Variants in PRPF6 observed in about 807,000 individuals in gnomAD.
The protein encoded by PRPF6 is pre-mRNA-processing factor 6.
PRPF6 carries 42 observed loss-of-function variants against 118.3 expected under a neutral mutation model. The observed-to-expected ratio is 0.35, with a 90% CI of 0.28 to 0.46. PRPF6 has a LOEUF of 0.46. Ranked by LOEUF, PRPF6 falls within the 20% of genes least tolerant of loss-of-function variation. The probability of loss-of-function intolerance (pLI) is 1.00; values close to 1 mark genes in which losing one functional copy is unlikely to be tolerated. For missense variants in PRPF6, 662 were observed against 1,255.7 expected, an observed-to-expected ratio of 0.53 and a Z score of 7.15; for synonymous variants, 481 against 485.1, an observed-to-expected ratio of 0.99 and a Z score of 0.11.
rs770778872 is a variant in PRPF6, at chr20:64,001,066, T to G, written c.1024-11T>G. ...CACTGAGCCTTATTGGTCTTATCTCTTGCCTCACAGAGTGAAGATGTCTGG... is the reference window on the plus strand; with the variant it reads ...CACTGAGCCTTATTGGTCTTATCTCGTGCCTCACAGAGTGAAGATGTCTGG... On this transcript the variant is annotated splice_polypyrimidine_tract_variant and intron_variant, in intron 8 of 20. Transcript: ENST00000266079. 2.5e-6 allele frequency: 4 copies of G among 1,613,824 alleles called. No homozygotes were observed. The South Asian group carries it at 3.3e-5, about 13-fold the overall frequency.
At chr20:64,013,427 C>T (rs1367660104) in intron 11 of PRPF6, among the ~76,000 whole-genome samples, 1 of 151,696 alleles carries the variant, frequency 6.6e-6, no homozygotes, top group African/African-American at 2.4e-5. Flanking sequence ...TTCCTTCCTT[C>T]CTTTCTTCTT....
chr20:64,004,805 A>C (rs2059182485), intron 9 of PRPF6, among the ~76,000 whole-genome samples: 1 of 152,184 alleles, frequency 6.6e-6, no homozygotes, highest in Non-Finnish European at 1.5e-5. Context: ...GCTCCCCTAC[A>C]ATAATGCACT....
At position 64,029,617 on chromosome 20, in the gene PRPF6, G is replaced by T; in HGVS notation, c.2546+126G>T. 1 of 826,612 alleles carries T rather than the reference G, an allele frequency of 1.2e-6. No homozygotes were observed. The highest frequency in any genetic ancestry group is 2.0e-6 in the Non-Finnish European group (1 of 505,716). The allele number at this position is 826,612 out of a possible 1,614,324, so 51.2% of individuals were successfully genotyped here. ...AGCAGGGTGGGCTTCCCCGATCCTC[G>T]GCTGCCGTCGCTCCTGCTGTGGTCT... On this transcript the variant is annotated intron_variant, in intron 19 of 20. Transcript: ENST00000266079. The surrounding 1 kb of genome is among the most constrained non-coding windows in gnomAD (Gnocchi z 4.8).
intron 12 of PRPF6, among the ~76,000 whole-genome samples, chr20:64,018,845 C>T (rs1259017488): frequency 6.6e-6 from 1 of 152,144 alleles, no homozygotes; most frequent in Non-Finnish European, 1.5e-5. Context: ...TCACTTTCTC[C>T]TTCATCCGTG....
Position 64,026,130 on chromosome 20 carries a change from G to A in PRPF6, c.2028+72G>A, listed in dbSNP as rs553286264. The A allele has an allele frequency of 1.8e-5, 28 of 1,588,992 alleles. No homozygotes were observed. The African/African-American group carries it at 3.6e-4, about 20-fold the overall frequency. The stretch of plus-strand genomic sequence containing the variant: ...CACATGCGGGCCCCACGCCTGGCTT[G>A]GGTGGTGATGGGAGTGAGATGACGG... On this transcript the variant is annotated intron_variant, in intron 15 of 20. Transcript: ENST00000266079. The surrounding 1 kb of genome is among the most constrained non-coding windows in gnomAD (Gnocchi z 4.4).
chr20:63,981,178 G>A lies in PRPF6; in HGVS notation c.-68G>A. On this transcript the variant is annotated 5_prime_UTR_variant, in exon 1 of 21. Transcript: ENST00000266079. Reference sequence around the variant, plus strand: ...AGTGCATCGGACGTCGAAGCCTAGAGTCTCTGCGTCTTTCCCTCTTCCGCT... The same window carrying A: ...AGTGCATCGGACGTCGAAGCCTAGAATCTCTGCGTCTTTCCCTCTTCCGCT... The A allele has an allele frequency of 3.3e-6, 5 of 1,502,120 alleles. No homozygotes were observed. The highest frequency in any genetic ancestry group is 4.5e-6 in the Non-Finnish European group (5 of 1,100,118). The allele number at this position is 1,502,120 out of a possible 1,614,324, so 93.0% of individuals were successfully genotyped here. A position where few individuals can be genotyped will look rare whatever the true frequency, so the allele number is the denominator to read the frequency against.
intron 11 of PRPF6, among the ~76,000 whole-genome samples, chr20:64,015,906 T>C (rs8121622): frequency 0.02 from 3,063 of 152,226 alleles, 111 homozygotes; most frequent in African/African-American, 0.067. Flanking sequence ...GCAGGAGGGT[T>C]ACTTGAGACC....
At chr20:64,015,318 T>C (rs1239027386) in intron 11 of PRPF6, among the ~76,000 whole-genome samples, 1 of 152,158 alleles carries the variant, frequency 6.6e-6, no homozygotes, top group East Asian at 1.9e-4. Flanking sequence ...CCCCTGAGGG[T>C]CTGGGTGCTG....
At position 64,026,168 on chromosome 20, in the gene PRPF6, A is replaced by G; in HGVS notation, c.2028+110A>G. On this transcript the variant is annotated intron_variant, in intron 15 of 20. Transcript: ENST00000266079. The surrounding 1 kb of genome is among the most constrained non-coding windows in gnomAD (Gnocchi z 4.4). ...AGTGAGATGACGGCAGGCAAACGAG[A>G]CCACAGCACACTCATCTTTGTGATG... 1 of 1,528,426 alleles carries G rather than the reference A, an allele frequency of 6.5e-7. No individual in the cohort carries two copies. Among genetic ancestry groups the G allele is most frequent in the African/African-American group, 1.4e-5 (1 of 73,182 alleles). The allele number at this position is 1,528,426 out of a possible 1,614,324, so 94.7% of individuals were successfully genotyped here.
chr20:64,028,727 T>C lies in PRPF6; in HGVS notation c.2431+158T>C, dbSNP rs1164271422. Among the ~76,000 whole-genome samples the C allele has an allele frequency of 1.3e-5, 2 of 152,168 alleles. No individual in the cohort carries two copies. The highest frequency in any genetic ancestry group is 2.9e-5 in the Non-Finnish European group (2 of 68,034). On this transcript the variant is annotated intron_variant, in intron 18 of 20. Coordinates refer to ENST00000266079, the MANE Select transcript of PRPF6 (RefSeq NM_012469.4). This position sits in a 1 kb window ranked among gnomAD's most constrained non-coding sequence, Gnocchi z 6.5. The stretch of plus-strand genomic sequence containing the variant: ...AGGCTTCAGACGGACTTTATTAAAA[T>C]GTGTAGTTTGTGTGAATCATTTCAG...
In PRPF6 at chr20:64,024,781, C is replaced by G. The variant is rs2059280811; in HGVS notation, c.1908+88C>G. ...CTGGGGCCTGAAAATCTCCCACATA[C>G]AATGTGGCACGTGCTGTTGTTGGGG... On this transcript the variant is annotated intron_variant, in intron 14 of 20. Transcript: ENST00000266079. The G allele has an allele frequency of 7.3e-6, 11 of 1,514,054 alleles. No individual in the cohort carries two copies. The East Asian group carries it at 2.2e-4, about 30-fold the overall frequency. 93.8% of individuals were successfully genotyped at this position (1,514,054 alleles called of 1,614,324 possible). A position where few individuals can be genotyped will look rare whatever the true frequency, so the allele number is the denominator to read the frequency against.
intron 9 of PRPF6, among the ~76,000 whole-genome samples, chr20:64,006,672 T>A (rs1377728342): frequency 6.6e-6 from 1 of 152,160 alleles, no homozygotes; most frequent in African/African-American, 2.4e-5. Flanking sequence ...ACGGGACTCT[T>A]GGCAGTGGAG....
chr20:64,019,520 C>G lies in PRPF6; in HGVS notation c.1647+2675C>G, dbSNP rs533633784. On this transcript the variant is annotated intron_variant, in intron 12 of 20. Transcript: ENST00000266079. ...CAGAAGTGTGCTGTGGTGCTGCTTCCCTCCCGGACACCAGGGCCCTGGGCA... is the reference window on the plus strand; with the variant it reads ...CAGAAGTGTGCTGTGGTGCTGCTTCGCTCCCGGACACCAGGGCCCTGGGCA... Among the ~76,000 whole-genome samples, 3 of 152,308 alleles carry G rather than the reference C, an allele frequency of 2.0e-5. No individual in the cohort carries two copies. The South Asian group carries it at 6.2e-4, about 32-fold the overall frequency.
At chr20:64,003,877 C>T (rs751962845) in intron 9 of PRPF6, among the ~76,000 whole-genome samples, 10 of 152,168 alleles carry the variant, frequency 6.6e-5, no homozygotes, top group Non-Finnish European at 1.3e-4. Context: ...GGATTACAGG[C>T]GTGAGCCACC....
At chr20:64,005,963 G>A (rs2059188214) in intron 9 of PRPF6, among the ~76,000 whole-genome samples, 1 of 152,042 alleles carries the variant, frequency 6.6e-6, no homozygotes, top group Non-Finnish European at 1.5e-5. Flanking sequence ...TTAAACTCCT[G>A]GGCTCAAGTG....
chr20:64,029,587 C>T lies in PRPF6; in HGVS notation c.2546+96C>T. ...CTCTTCCTGGTCATTGTAAAGATGC[C>T]CGGCAGCAGGGTGGGCTTCCCCGAT... is the stretch of plus-strand genomic sequence containing the variant. On this transcript the variant is annotated intron_variant, in intron 19 of 20. Transcript: ENST00000266079. The surrounding 1 kb of genome is among the most constrained non-coding windows in gnomAD (Gnocchi z 4.8). 8.9e-7 allele frequency: 1 copy of T among 1,126,946 alleles called. No homozygotes were observed. The highest frequency in any genetic ancestry group is 1.3e-6 in the Non-Finnish European group (1 of 756,406). The allele number at this position is 1,126,946 out of a possible 1,614,324, so 69.8% of individuals were successfully genotyped here.
chr20:63,981,789 G>C (rs1298251595), intron 1 of PRPF6, among the ~76,000 whole-genome samples: 1 of 151,890 alleles, frequency 6.6e-6, no homozygotes, highest in Admixed American at 6.6e-5. Context: ...AACACTACTG[G>C]GTTTTTCTTG....
chr20:64,004,704 C>T (rs992371608), intron 9 of PRPF6, among the ~76,000 whole-genome samples: 1 of 152,128 alleles, frequency 6.6e-6, no homozygotes, highest in Non-Finnish European at 1.5e-5. Context: ...GGGAAGAGGG[C>T]TTTCAGGATT....
chr20:63,987,582 T>C (rs1409410878), intron 3 of PRPF6, among the ~76,000 whole-genome samples: 1 of 152,150 alleles, frequency 6.6e-6, no homozygotes, highest in Admixed American at 6.5e-5. Context: ...TGATTCAACA[T>C]TGTACTGGAA....
Sources: gnomAD v4.1 joint callset for allele counts (sites outside exome capture counted in the v4.1 genomes callset) on GRCh38, gnomAD v4.1.1 for gene constraint, Gnocchi (gnomAD v3.1) non-coding constraint, MANE v1.5 for transcripts, NCBI Gene and HGNC (gene_info 2026-07-23, HGNC 2026-07-21) for gene names.